RYR1: variants seen among roughly 807,000 people sequenced by gnomAD.
RYR1 encodes the protein ryanodine receptor 1.
In RYR1, 342 loss-of-function variants were observed where a neutral mutation model predicts 583.5. That is an observed-to-expected ratio of 0.59 (90% CI 0.54 to 0.64). The LOEUF is 0.64. RYR1 is among the 30% of genes least tolerant of loss of function. RYR1 has a pLI of 0.00. For missense variants in RYR1, 6,032 were observed against 6,917.2 expected (o/e 0.87, Z 4.54); for synonymous variants, 2,791 against 2,822.5 (o/e 0.99, Z 0.35).
Position 38,496,579 on chromosome 19 carries a change from C to T in RYR1, c.6796+38C>T. 2 of 1,612,140 alleles carry T rather than the reference C, an allele frequency of 1.2e-6. No individual in the cohort carries two copies. Among genetic ancestry groups the T allele is most frequent in the Non-Finnish European group, 1.7e-6 (2 of 1,179,620 alleles). ...GAGCCCAGGGGCTGTCCCCCAGAAC[C>T]CACTCCTGGCACCCCGTCCAGGCCT... On this transcript the variant is annotated intron_variant, in intron 41 of 105. Coordinates refer to ENST00000359596, the MANE Select transcript of RYR1 (RefSeq NM_000540.3). The surrounding 1 kb of genome is among the most constrained non-coding windows in gnomAD (Gnocchi z 4.8).
Position 38,433,768 on chromosome 19 carries a change from C to T in RYR1, c.-62C>T. ...CCAGCCCGCCCCCAGCCCTCCCGCC[C>T]AGCCCGCAGCCCCCTCCCTCTGTTC... On this transcript the variant is annotated 5_prime_UTR_variant, in exon 1 of 106. Coordinates refer to ENST00000359596, the MANE Select transcript of RYR1 (RefSeq NM_000540.3). 1 of 875,916 alleles carries T rather than the reference C, an allele frequency of 1.1e-6. No individual in the cohort carries two copies. The allele number at this position is 875,916 out of a possible 1,614,324, so 54.3% of individuals were successfully genotyped here.
At chr19:38,462,563 C>T (rs146240956) in intron 20 of RYR1, among the ~76,000 whole-genome samples, 61 of 152,220 alleles carry the variant, frequency 4.0e-4, no homozygotes, top group African/African-American at 1.3e-3. Flanking sequence ...GCCTGCGGAA[C>T]GCCAACACCG....
At chr19:38,481,370 G>T (rs920602174) in intron 31 of RYR1, among the ~76,000 whole-genome samples, 1 of 151,840 alleles carries the variant, frequency 6.6e-6, no homozygotes, top group South Asian at 2.1e-4. Flanking sequence ...CAAACTATTC[G>T]CCCACCTCCA....
Position 38,505,014 on chromosome 19 carries a change from C to T in RYR1, c.8243C>T (p.Pro2748Leu), listed in dbSNP as rs1284124708. Residue 2748 changes from proline (P) to leucine (L), a missense_variant, in exon 52 of 106, where the codon CCG becomes CTG. Pro to Leu is a moderately conservative substitution (Grantham distance 98, BLOSUM62 -3). Coordinates refer to ENST00000359596, the MANE Select transcript of RYR1 (RefSeq NM_000540.3). Reference sequence around the variant, plus strand: ...TGTGCCCCCAACAGTGTGATCATCCCGGAGAAGCTGGACTCCTTCATTAAC... The same window carrying T: ...TGTGCCCCCAACAGTGTGATCATCCTGGAGAAGCTGGACTCCTTCATTAAC... ...RPVETLNVII[P>L]EKLDSFINKF... 6 of 1,614,080 alleles carry T rather than the reference C, an allele frequency of 3.7e-6. No homozygotes were observed. The highest frequency in any genetic ancestry group is 1.1e-5 in the South Asian group (1 of 91,076).
intron 69 of RYR1, 53 bp from the exon 70 acceptor site, chr19:38,523,862 T>C (rs761522650): frequency 4.3e-6 from 7 of 1,613,656 alleles, no homozygotes; most frequent in Non-Finnish European, 5.9e-6. Context: ...CCTGGGCTTC[T>C]CTGCGGGGCT....
chr19:38,466,918 C>T (rs1324576390), intron 24 of RYR1, among the ~76,000 whole-genome samples: 1 of 152,148 alleles, frequency 6.6e-6, no homozygotes, highest in African/African-American at 2.4e-5. Context: ...GGAACCACTT[C>T]CCTTTACCTG....
chr19:38,579,884 C>T, intron 99 of RYR1, 98 bp from the exon 100 acceptor site: 2 of 1,539,386 alleles, frequency 1.3e-6, no homozygotes, highest in Non-Finnish European at 1.8e-6. Context: ...GGCACCCGAC[C>T]CCCAGGGCAC....
At chr19:38,457,921 T>G in intron 17 of RYR1, 130 bp from the exon 18 acceptor site, 2 of 968,352 alleles carry the variant, frequency 2.1e-6, no homozygotes, top group Admixed American at 3.5e-5. Flanking sequence ...TTCCTCCATG[T>G]CTTTCTCCCT....
In RYR1 at chr19:38,467,721, G is replaced by A; in HGVS notation, c.3290G>A (p.Gly1097Asp). 1 of 1,614,222 alleles carries A rather than the reference G, an allele frequency of 6.2e-7. No homozygotes were observed. The highest frequency in any genetic ancestry group is 8.5e-7 in the Non-Finnish European group (1 of 1,180,038). Residue 1097 changes from glycine (G) to aspartate (D), a missense_variant, in exon 25 of 106, where the codon GGC becomes GAC. Around this residue, in one of 11 missense-constraint regions of RYR1, gnomAD observed 2,627 missense variants for 2,961.3 expected, o/e 0.89. Transcript: ENST00000359596. ...TTCGAGTTTGAAGCAGTCACCACAG[G>A]CGAGATGCGCGTGGGCTGGGCGAGG... ...WYFEFEAVTT[G>D]EMRVGWARPE...
intron 93 of RYR1, among the ~76,000 whole-genome samples, chr19:38,569,698 C>T (rs1015161868): frequency 6.6e-6 from 1 of 152,192 alleles, no homozygotes; most frequent in Non-Finnish European, 1.5e-5. Flanking sequence ...ATCTCTGCCA[C>T]TCGTTGGTTA....
At chr19:38,443,521 G>A (rs1395332614) in intron 3 of RYR1, 37 bp from the exon 4 acceptor site, 4 of 1,590,160 alleles carry the variant, frequency 2.5e-6, no homozygotes, top group Admixed American at 1.7e-5. Flanking sequence ...AGAGTCCGGG[G>A]ATCTGTGCTT....
At chr19:38,502,289 T>G (rs994502967) in intron 47 of RYR1, among the ~76,000 whole-genome samples, 4 of 152,022 alleles carry the variant, frequency 2.6e-5, no homozygotes, top group African/African-American at 9.7e-5. Context: ...TTGTGTGTGT[T>G]TGAAATTTTG....
Position 38,467,723 on chromosome 19 carries a change from G to A in RYR1, c.3292G>A (p.Glu1098Lys), listed in dbSNP as rs1968184238. ...YFEFEAVTTG[E>K]MRVGWARPEL... is the part of the protein sequence containing the mutation. ...CGAGTTTGAAGCAGTCACCACAGGC[G>A]AGATGCGCGTGGGCTGGGCGAGGCC... The change falls in exon 25 of 106, where the codon GAG becomes AAG. Residue 1098 changes from glutamate (E) to lysine (K), a missense_variant. Transcript: ENST00000359596. 3 of 1,614,238 alleles carry A rather than the reference G, an allele frequency of 1.9e-6. No homozygotes were observed. Among genetic ancestry groups the A allele is most frequent in the Non-Finnish European group, 2.5e-6 (3 of 1,180,048 alleles).
In RYR1 at chr19:38,570,611, A is replaced by G. The variant is rs1436595293; in HGVS notation, c.13664A>G (p.Tyr4555Cys). The G allele has an allele frequency of 7.4e-6, 12 of 1,613,352 alleles. No homozygotes were observed. Among genetic ancestry groups the G allele is most frequent in the Non-Finnish European group, 1.0e-5 (12 of 1,179,390 alleles). The change falls in exon 94 of 106, where the codon TAC becomes TGC. Residue 4555 changes from tyrosine to cysteine, a missense_variant. Coordinates refer to ENST00000359596, the MANE Select transcript of RYR1 (RefSeq NM_000540.3). ...TCTTTTTCTCTTCTCTCTCAGAACT[A>G]CCTGTCCCGGAACTTTTACACCCTG... ...LEVQRVKFLN[Y>C]LSRNFYTLRF...
intron 3 of RYR1, 116 bp from the exon 4 acceptor site, chr19:38,443,442 G>T: frequency 1.1e-6 from 1 of 905,218 alleles, no homozygotes; most frequent in Non-Finnish European, 1.8e-6. Context: ...TTACCTCTAG[G>T]CCTGAGCATG....
In RYR1 at chr19:38,512,188, C is replaced by T; in HGVS notation, c.9233+56C>T. ...ACCATCATCGGGCCCCCACCCCAACCCCTGGTCTCCTAGACTCTCCGATTC... is the reference window on the plus strand; with the variant it reads ...ACCATCATCGGGCCCCCACCCCAACTCCTGGTCTCCTAGACTCTCCGATTC... On this transcript the variant is annotated intron_variant, in intron 62 of 105. Transcript: ENST00000359596. This position sits in a 1 kb window ranked among gnomAD's most constrained non-coding sequence, Gnocchi z 5.1. 6.2e-7 allele frequency: 1 copy of T among 1,613,948 alleles called. No homozygotes were observed. The highest frequency in any genetic ancestry group is 8.5e-7 in the Non-Finnish European group (1 of 1,179,814).
rs1422940524 is a variant in RYR1 at position 38,451,638 on chromosome 19, T to C, written c.1123-126T>C. 3 of 1,093,564 alleles carry C rather than the reference T, an allele frequency of 2.7e-6. No individual in the cohort carries two copies. The African/African-American group carries it at 4.7e-5, about 17-fold the overall frequency. The allele number at this position is 1,093,564 out of a possible 1,614,324, so 67.7% of individuals were successfully genotyped here. A position where few individuals can be genotyped will look rare whatever the true frequency, so the allele number is the denominator to read the frequency against. On this transcript the variant is annotated intron_variant, in intron 11 of 105. Transcript: ENST00000359596. ...CGGGGGACAGAAAAATGAGGAGGAA[T>C]TTGCAGTGAGATTCTGCAGAGCAGG...
Position 38,452,966 on chromosome 19 carries a change from G to C in RYR1, c.1392G>C (p.Gln464His). 6.2e-7 allele frequency: 1 copy of C among 1,613,986 alleles called. No homozygotes were observed. The highest frequency in any genetic ancestry group is 2.2e-5 in the East Asian group (1 of 44,876). Residue 464 changes from glutamine (Q) to histidine (H), a missense_variant, in exon 13 of 106, where the codon CAG becomes CAC. Around this residue, in one of 11 missense-constraint regions of RYR1, gnomAD observed 2,627 missense variants for 2,961.3 expected, o/e 0.89. Transcript: ENST00000359596. The stretch of plus-strand genomic sequence containing the variant: ...AGGACTTGCAGCACGAGGAGAAGCA[G>C]AGCAAGCTGCGAAGCCTGCGCAACC... ...PSEDLQHEEK[Q>H]SKLRSLRNRQ...
intron 84 of RYR1, among the ~76,000 whole-genome samples, chr19:38,542,830 A>ATTAT (rs924164669): frequency 2.2e-4 from 32 of 148,286 alleles, no homozygotes; most frequent in South Asian, 1.3e-3. Context: ...CTATTTTAAA[A>ATTAT]TTATTTATTT....
Sources: allele counts gnomAD v4.1 joint callset (sites outside exome capture counted in the v4.1 genomes callset), GRCh38; gene constraint gnomAD v4.1.1; regional missense constraint gnomAD v4.1.1; non-coding constraint Gnocchi (gnomAD v3.1); transcripts MANE v1.5; gene names NCBI Gene and HGNC (gene_info 2026-07-23, HGNC 2026-07-21).